Variants in TSHZ2 observed in about 807,000 individuals in gnomAD.
The protein encoded by TSHZ2 is teashirt homolog 2.
Under a neutral mutation model 74.4 loss-of-function variants are expected in TSHZ2, and 21 were observed. The observed-to-expected ratio is 0.28, with a 90% CI of 0.20 to 0.41. The LOEUF is 0.41. Ranked by LOEUF, TSHZ2 falls within the 10% of genes least tolerant of loss-of-function variation. The probability of loss-of-function intolerance (pLI) is 1.00; values close to 1 mark genes in which losing one functional copy is unlikely to be tolerated. For synonymous variants in TSHZ2, 540 were observed against 515.3 expected (o/e 1.05, Z -0.65); for missense variants, 1,244 against 1,293.5 (o/e 0.96, Z 0.59).
chr20:53,238,204 A>T (rs184665980), intron 1 of TSHZ2, among the ~76,000 whole-genome samples: 122 of 152,298 alleles, frequency 8.0e-4, no homozygotes, highest in East Asian at 4.8e-3. Flanking sequence ...GTATAAATGC[A>T]TTCTTTGATT....
chr20:53,043,346 C>G (rs1169533595), intron 1 of TSHZ2, among the ~76,000 whole-genome samples: 1 of 152,160 alleles, frequency 6.6e-6, no homozygotes, highest in African/African-American at 2.4e-5. Flanking sequence ...TTTGTTGTCA[C>G]AACTCAGGGA....
chr20:53,243,817 G>A (rs1162307793), intron 1 of TSHZ2, among the ~76,000 whole-genome samples: 1 of 137,668 alleles, frequency 7.3e-6, no homozygotes. Flanking sequence ...TTGCTTGCTT[G>A]CTTGCTTTTT....
At chr20:53,404,492 T>C (rs371476236) in intron 2 of TSHZ2, among the ~76,000 whole-genome samples, 4 of 152,224 alleles carry the variant, frequency 2.6e-5, no homozygotes, top group African/African-American at 7.2e-5. Context: ...CACTTGAAAG[T>C]AACAACCTAA....
At chr20:53,117,084 T>C (rs1986691149) in intron 1 of TSHZ2, among the ~76,000 whole-genome samples, 1 of 152,128 alleles carries the variant, frequency 6.6e-6, no homozygotes, top group Admixed American at 6.5e-5. Context: ...CTCATGCCTC[T>C]TCTTATAAGG....
chr20:53,164,526 G>T (rs1178626764), intron 1 of TSHZ2, among the ~76,000 whole-genome samples: 1 of 152,160 alleles, frequency 6.6e-6, no homozygotes, highest in Non-Finnish European at 1.5e-5. Context: ...TTTCTGTGAT[G>T]ATGGAAATAC....
At chr20:53,035,380 G>GT (rs1485227313) in intron 1 of TSHZ2, among the ~76,000 whole-genome samples, 2 of 152,068 alleles carry the variant, frequency 1.3e-5, no homozygotes, top group African/African-American at 2.4e-5. Context: ...CTGGGATGAG[G>GT]TTTTTTGTTT....
At chr20:53,452,652 C>T (rs745585161) in intron 2 of TSHZ2, among the ~76,000 whole-genome samples, 133 of 151,568 alleles carry the variant, frequency 8.8e-4, no homozygotes, top group South Asian at 1.7e-3. Flanking sequence ...TCTCTCTGAG[C>T]CCACTGAGCC....
chr20:53,433,578 CACACAG>C (rs1396719610), intron 2 of TSHZ2, among the ~76,000 whole-genome samples: 76 of 118,750 alleles, frequency 6.4e-4, no homozygotes, highest in African/African-American at 2.3e-3. Context: ...GACACACAGA[CACACAG>C]ACACACACAC....
intron 2 of TSHZ2, among the ~76,000 whole-genome samples, chr20:53,335,834 A>C (rs1017045102): frequency 6.6e-6 from 1 of 152,010 alleles, no homozygotes; most frequent in Non-Finnish European, 1.5e-5. Flanking sequence ...GCAAAATCTT[A>C]GCTGTGAACT....
chr20:53,418,764 G>C (rs1983362651), intron 2 of TSHZ2, among the ~76,000 whole-genome samples: 1 of 152,130 alleles, frequency 6.6e-6, no homozygotes, highest in South Asian at 2.1e-4. Context: ...GAGACTCCCA[G>C]GTTCTCAATA....
At chr20:53,287,317 T>G (rs1422946243) in intron 2 of TSHZ2, among the ~76,000 whole-genome samples, 1 of 152,242 alleles carries the variant, frequency 6.6e-6, no homozygotes, top group Non-Finnish European at 1.5e-5. Flanking sequence ...TTTCCCACTC[T>G]ACCTTGAGCC....
chr20:53,424,677 T>G (rs1361411456), intron 2 of TSHZ2, among the ~76,000 whole-genome samples: 1 of 152,118 alleles, frequency 6.6e-6, no homozygotes, highest in Non-Finnish European at 1.5e-5. Flanking sequence ...ACCTAGGTAT[T>G]AAGCCCGGCG....
Position 53,460,856 on chromosome 20 carries a change from G to T in TSHZ2, c.*9-26288G>T, listed in dbSNP as rs1264972070. Among the ~76,000 whole-genome samples, 4 of 152,326 alleles carry T rather than the reference G, an allele frequency of 2.6e-5. No homozygotes were observed. The East Asian group carries it at 7.7e-4, about 29-fold the overall frequency. ...CTGGGGGGTGCCTCCCAGTTAGGCTGCTCGGGGGTCAGGGACCCACTTGAG... is the reference window on the plus strand; with the variant it reads ...CTGGGGGGTGCCTCCCAGTTAGGCTTCTCGGGGGTCAGGGACCCACTTGAG... On this transcript the variant is annotated intron_variant, in intron 2 of 2. Transcript: ENST00000371497.
intron 1 of TSHZ2, among the ~76,000 whole-genome samples, chr20:53,126,944 C>T (rs1362009113): frequency 6.6e-6 from 1 of 151,760 alleles, no homozygotes; most frequent in Non-Finnish European, 1.5e-5. Flanking sequence ...ATGTTCTGTC[C>T]GTTCCATGAA....
intron 1 of TSHZ2, among the ~76,000 whole-genome samples, chr20:53,041,976 A>C (rs975364343): frequency 6.6e-6 from 1 of 152,166 alleles, no homozygotes; most frequent in Admixed American, 6.5e-5. Flanking sequence ...CCCAGCAAGA[A>C]CAGAGAGGAG....
intron 2 of TSHZ2, among the ~76,000 whole-genome samples, chr20:53,340,449 G>T (rs934832775): frequency 6.6e-6 from 1 of 152,094 alleles, no homozygotes; most frequent in African/African-American, 2.4e-5. Flanking sequence ...CTCCCAAAGT[G>T]CTGGGATTAC....
At chr20:53,371,391 C>T (rs568085826) in intron 2 of TSHZ2, among the ~76,000 whole-genome samples, 12 of 152,334 alleles carry the variant, frequency 7.9e-5, no homozygotes, top group African/African-American at 1.4e-4. Context: ...AGAGTTCATA[C>T]GGGTTTCCAA....
At chr20:53,150,738 GAAGA>G (rs1379323919) in intron 1 of TSHZ2, among the ~76,000 whole-genome samples, 1 of 151,936 alleles carries the variant, frequency 6.6e-6, no homozygotes, top group Non-Finnish European at 1.5e-5. Context: ...AAGAAGGAGG[GAAGA>G]AAGGAAGGAA....
intron 1 of TSHZ2, among the ~76,000 whole-genome samples, chr20:53,187,310 A>G (rs567557271): frequency 4.0e-4 from 61 of 152,168 alleles, no homozygotes; most frequent in African/African-American, 1.1e-3. Flanking sequence ...GCAGGTATCG[A>G]TTGTGTATAG....
Sources: gnomAD v4.1 joint callset for allele counts (sites outside exome capture counted in the v4.1 genomes callset) on GRCh38, gnomAD v4.1.1 for gene constraint, MANE v1.5 for transcripts, NCBI Gene and HGNC (gene_info 2026-07-23, HGNC 2026-07-21) for gene names.